GOLGA1: variants seen among roughly 807,000 people sequenced by gnomAD.
GOLGA1 encodes the protein golgin subfamily A member 1.
Under a neutral mutation model 119.7 loss-of-function variants are expected in GOLGA1, and 63 were observed. That is an observed-to-expected ratio of 0.53 (90% CI 0.43 to 0.65). The LOEUF (loss-of-function observed/expected upper bound fraction) is 0.65. GOLGA1 is among the 30% of genes least tolerant of loss of function. GOLGA1 has a pLI of 0.00. For synonymous variants in GOLGA1, 318 were observed against 333.4 expected, an observed-to-expected ratio of 0.95 and a Z score of 0.50; for missense variants, 798 against 912.8, an observed-to-expected ratio of 0.87 and a Z score of 1.62.
intron 7 of GOLGA1, among the ~76,000 whole-genome samples, chr9:124,925,914 C>T (rs569943699): frequency 1.4e-4 from 21 of 152,172 alleles, no homozygotes; most frequent in South Asian, 1.2e-3. Flanking sequence ...GGTACCTGTA[C>T]GGTGTTATGC....
intron 12 of GOLGA1, among the ~76,000 whole-genome samples, chr9:124,900,994 T>TTTAC (rs1830091874): frequency 6.8e-6 from 1 of 146,240 alleles, no homozygotes. Flanking sequence ...TTTTTTGAGA[T>TTTAC]GGAGTCTTGC....
At chr9:124,924,057 T>G (rs1003857532) in intron 7 of GOLGA1, among the ~76,000 whole-genome samples, 1 of 152,116 alleles carries the variant, frequency 6.6e-6, no homozygotes, top group Non-Finnish European at 1.5e-5. Flanking sequence ...GGTTTCACCA[T>G]GTTTGCCAGG....
intron 18 of GOLGA1, 29 bp downstream of exon 18, chr9:124,889,114 G>C: frequency 1.3e-6 from 2 of 1,573,096 alleles, no homozygotes; most frequent in Non-Finnish European, 1.7e-6. Flanking sequence ...TCTTGCTGTA[G>C]CACCCATGCA....
In GOLGA1 at chr9:124,918,796, T is replaced by G. The variant is rs138297004; in HGVS notation, c.843+2333A>C. ...AATACAAAAACCAAAGTTGTGTATCTATTTTCCCCCTTCTTCCATGACCCC... is the reference window on the plus strand; with the variant it reads ...AATACAAAAACCAAAGTTGTGTATCGATTTTCCCCCTTCTTCCATGACCCC... On this transcript the variant is annotated intron_variant, in intron 10 of 22. Transcript: ENST00000373555. Among the ~76,000 whole-genome samples the G allele has an allele frequency of 2.3e-3, 351 of 152,206 alleles. 1 individual carries two copies. The highest frequency in any genetic ancestry group is 3.9e-3 in the Non-Finnish European group (264 of 68,006).
Position 124,890,487 on chromosome 9 carries a change from C to T in GOLGA1, c.1408-9G>A. 1 of 1,600,892 alleles carries T rather than the reference C, an allele frequency of 6.2e-7. No individual in the cohort carries two copies. The highest frequency in any genetic ancestry group is 8.6e-7 in the Non-Finnish European group (1 of 1,167,980). On this transcript the variant is annotated splice_polypyrimidine_tract_variant and intron_variant, in intron 15 of 22. Transcript: ENST00000373555. ...CTTTGGCTCCATTCTTCCTACAATG[C>T]AGAAAACCACTGAGCCCCAAAACTT...
intron 12 of GOLGA1, among the ~76,000 whole-genome samples, chr9:124,905,098 A>C (rs1830198150): frequency 6.6e-6 from 1 of 150,982 alleles, no homozygotes; most frequent in South Asian, 2.1e-4. Flanking sequence ...GTAGGCTGAG[A>C]TCAGGACACT....
At chr9:124,901,271 T>A (rs1588070753) in intron 12 of GOLGA1, among the ~76,000 whole-genome samples, 2 of 133,116 alleles carry the variant, frequency 1.5e-5, no homozygotes, top group Admixed American at 1.6e-4. Flanking sequence ...ATGCCCGGCC[T>A]ATTTTTTTTT....
At position 124,898,588 on chromosome 9, in the gene GOLGA1, A is replaced by C; in HGVS notation, c.1368T>G (p.Arg456=). ...GTTCAAATTGGTGATTTTGTAAAGAACGTTCATATTCATTCCTGCATTCTT... is the reference window on the plus strand; with the variant it reads ...GTTCAAATTGGTGATTTTGTAAAGACCGTTCATATTCATTCCTGCATTCTT... The part of the protein sequence containing the change: ...ALKECRNEYE[R]SLQNHQFELK... The change falls in exon 15 of 23, where the codon CGT becomes CGG. Residue 456 remains arginine, a synonymous_variant. Coordinates refer to ENST00000373555, the MANE Select transcript of GOLGA1 (RefSeq NM_002077.4). 2 of 1,610,130 alleles carry C rather than the reference A, an allele frequency of 1.2e-6. No homozygotes were observed. The highest frequency in any genetic ancestry group is 8.5e-7 in the Non-Finnish European group (1 of 1,176,674).
intron 11 of GOLGA1, 28 bp from the exon 12 acceptor site, chr9:124,908,500 G>A (rs1486709280): frequency 2.7e-6 from 3 of 1,122,468 alleles, no homozygotes; most frequent in African/African-American, 3.0e-5. Context: ...AGTAAAAGAA[G>A]ACTATCATTC....
intron 12 of GOLGA1, among the ~76,000 whole-genome samples, chr9:124,905,266 A>G (rs2131429562): frequency 6.6e-6 from 1 of 152,244 alleles, no homozygotes; most frequent in African/African-American, 2.4e-5. Context: ...GTTTGAGACC[A>G]GCCTGGCCAA....
intron 10 of GOLGA1, among the ~76,000 whole-genome samples, chr9:124,917,945 T>C (rs1830485957): frequency 6.6e-6 from 1 of 152,022 alleles, no homozygotes; most frequent in Non-Finnish European, 1.5e-5. Flanking sequence ...CTCCACCTCC[T>C]GGGTTCAAGC....
Position 124,938,884 on chromosome 9 carries a change from G to A in GOLGA1, c.-155-18C>T. On this transcript the variant is annotated intron_variant, in intron 2 of 22. Coordinates refer to ENST00000373555, the MANE Select transcript of GOLGA1 (RefSeq NM_002077.4). ...CACAGGATCTACAAATCAGATGAAA[G>A]AGACAGTTCAAAAGTTAAACATTGG... 1 of 504,118 alleles carries A rather than the reference G, an allele frequency of 2.0e-6. No individual in the cohort carries two copies. Among genetic ancestry groups the A allele is most frequent in the Non-Finnish European group, 3.5e-6 (1 of 289,322 alleles). The allele number at this position is 504,118 out of a possible 1,614,324, so 31.2% of individuals were successfully genotyped here.
chr9:124,885,220 G>T (rs1477754292), intron 19 of GOLGA1, among the ~76,000 whole-genome samples: 1 of 152,116 alleles, frequency 6.6e-6, no homozygotes, highest in Non-Finnish European at 1.5e-5. Context: ...AGCTACTTGG[G>T]AGGCTGAGGC....
chr9:124,885,942 G>A (rs1829711121), intron 19 of GOLGA1, among the ~76,000 whole-genome samples: 1 of 152,194 alleles, frequency 6.6e-6, no homozygotes, highest in East Asian at 1.9e-4. Context: ...AGGTGGCAGC[G>A]ATGTGAAGTG....
intron 3 of GOLGA1, 92 bp downstream of exon 3, chr9:124,938,485 C>T (rs1830925937): frequency 9.4e-7 from 1 of 1,068,386 alleles, no homozygotes; most frequent in Non-Finnish European, 1.4e-6. Context: ...AGCTATAAAC[C>T]ATGAAAGGTA....
At chr9:124,910,965 G>A (rs1830327374) in intron 11 of GOLGA1, among the ~76,000 whole-genome samples, 1 of 152,202 alleles carries the variant, frequency 6.6e-6, no homozygotes, top group African/African-American at 2.4e-5. Context: ...GTTGGGAACT[G>A]CTGCTCCAAG....
chr9:124,895,658 A>AACCATCC (rs919030018), intron 15 of GOLGA1, among the ~76,000 whole-genome samples: 1 of 149,666 alleles, frequency 6.7e-6, no homozygotes, highest in Non-Finnish European at 1.5e-5. Context: ...CACGACAGAG[A>AACCATCC]ACCATCCACA....
chr9:124,888,491 G>T lies in GOLGA1; in HGVS notation c.1762-95C>A. 8.9e-7 allele frequency: 1 copy of T among 1,123,722 alleles called. No individual in the cohort carries two copies. The highest frequency in any genetic ancestry group is 1.3e-6 in the Non-Finnish European group (1 of 761,200). 69.6% of individuals were successfully genotyped at this position (1,123,722 alleles called of 1,614,324 possible). A position where few individuals can be genotyped will look rare whatever the true frequency, so the allele number is the denominator to read the frequency against. On this transcript the variant is annotated intron_variant, in intron 18 of 22. Coordinates refer to ENST00000373555, the MANE Select transcript of GOLGA1 (RefSeq NM_002077.4). This position sits in a 1 kb window ranked among gnomAD's most constrained non-coding sequence, Gnocchi z 4.4. ...AAGGGGAGCTAGACTCGTCCCTTAGGTATGGGCGTTGTGCTCCAACAGGCA... is the reference window on the plus strand; with the variant it reads ...AAGGGGAGCTAGACTCGTCCCTTAGTTATGGGCGTTGTGCTCCAACAGGCA...
In GOLGA1 at chr9:124,889,529, T is replaced by C; in HGVS notation, c.1505A>G (p.Asn502Ser). The part of the protein sequence containing the change: ...QREEFQQQAA[N>S]LTAIIDEKEQ... ...CTTCTCGTCTATTATGGCTGTCAGGTTAGCTGCCTTGGAGAGAAAAATCAA... is the reference window on the plus strand; with the variant it reads ...CTTCTCGTCTATTATGGCTGTCAGGCTAGCTGCCTTGGAGAGAAAAATCAA... The change falls in exon 17 of 23, where the codon AAC (asparagine) becomes AGC (serine). Residue 502 changes from asparagine (N) to serine (S), a missense_variant. Transcript: ENST00000373555. 6.2e-7 allele frequency: 1 copy of C among 1,609,864 alleles called. No individual in the cohort carries two copies. Among genetic ancestry groups the C allele is most frequent in the Non-Finnish European group, 8.5e-7 (1 of 1,176,092 alleles).
Sources: gnomAD v4.1 joint callset for allele counts (sites outside exome capture counted in the v4.1 genomes callset) on GRCh38, gnomAD v4.1.1 for gene constraint, Gnocchi (gnomAD v3.1) non-coding constraint, MANE v1.5 for transcripts, NCBI Gene and HGNC (gene_info 2026-07-23, HGNC 2026-07-21) for gene names.